Variants in RHAG observed in about 807,000 individuals in gnomAD.
RHAG encodes Rh associated glycoprotein.
Under a neutral mutation model 42.4 loss-of-function variants are expected in RHAG, and 25 were observed. The observed-to-expected ratio is 0.59, with a 90% CI of 0.43 to 0.82. The LOEUF (loss-of-function observed/expected upper bound fraction) is 0.82, where lower values mean the gene tolerates loss of function less well. Ranked by LOEUF, RHAG falls within the 40% of genes least tolerant of loss-of-function variation. The probability of loss-of-function intolerance (pLI) is 0.00; values close to 1 mark genes in which losing one functional copy is unlikely to be tolerated. For missense variants in RHAG, 483 were observed against 504.6 expected, an observed-to-expected ratio of 0.96 and a Z score of 0.41; for synonymous variants, 182 against 177.7, an observed-to-expected ratio of 1.02 and a Z score of -0.19.
intron 6 of RHAG, 49 bp from the exon 7 acceptor site, chr6:49,611,194 A>G: frequency 6.8e-7 from 1 of 1,481,142 alleles, no homozygotes; most frequent in Non-Finnish European, 9.4e-7. Context: ...AACATATAGA[A>G]CTCTAGAACT....
rs1774143899 is a variant in RHAG, at chr6:49,605,438, A to G, written c.*375T>C. 2 of 269,952 alleles carry G rather than the reference A, an allele frequency of 7.4e-6. No homozygotes were observed. Among genetic ancestry groups the G allele is most frequent in the African/African-American group, 2.2e-5 (1 of 45,732 alleles). 16.7% of individuals were successfully genotyped at this position (269,952 alleles called of 1,614,324 possible). On this transcript the variant is annotated 3_prime_UTR_variant, in exon 10 of 10. Transcript: ENST00000371175. ...CATCTATTCTTGCTTCATGGGTTTCAGTTTTATAATTTTTGGGATTGAAGA... is the reference window on the plus strand; with the variant it reads ...CATCTATTCTTGCTTCATGGGTTTCGGTTTTATAATTTTTGGGATTGAAGA...
chr6:49,606,605 T>A (rs887095247), intron 9 of RHAG: 6 of 421,184 alleles, frequency 1.4e-5, no homozygotes, highest in African/African-American at 1.2e-4. Flanking sequence ...GAAAGAAAAA[T>A]TTTAAATTTA....
chr6:49,614,933 T>C, intron 4 of RHAG, 80 bp from the exon 5 acceptor site: 1 of 1,253,916 alleles, frequency 8.0e-7, no homozygotes, highest in East Asian at 2.5e-5. Flanking sequence ...TATTTATTTA[T>C]TTACTTATTT....
intron 1 of RHAG, among the ~76,000 whole-genome samples, chr6:49,621,070 C>A (rs750895057): frequency 3.3e-5 from 5 of 152,304 alleles, no homozygotes; most frequent in African/African-American, 4.8e-5. Flanking sequence ...CCGAGGCACA[C>A]AGAGACGTTA....
At chr6:49,636,332 G>A (rs909819849) in intron 1 of RHAG, among the ~76,000 whole-genome samples, 1 of 152,108 alleles carries the variant, frequency 6.6e-6, no homozygotes, top group African/African-American at 2.4e-5. Context: ...GAATGCAAAG[G>A]AAGCGTGATA....
At position 49,605,486 on chromosome 6, in the gene RHAG, T is replaced by G. The variant is rs1260816593; in HGVS notation, c.*327A>C. The G allele has an allele frequency of 1.1e-5, 4 of 375,154 alleles. 1 individual carries two copies. Among genetic ancestry groups the G allele is most frequent in the African/African-American group, 8.2e-5 (4 of 49,072 alleles). 23.2% of individuals were successfully genotyped at this position (375,154 alleles called of 1,614,324 possible). ...AGACATAGTGTCTACATTAAGAAAC[T>G]GACATGTTTACTCTGTATTTACTCA... is the stretch of plus-strand genomic sequence containing the variant. On this transcript the variant is annotated 3_prime_UTR_variant, in exon 10 of 10. Coordinates refer to ENST00000371175, the MANE Select transcript of RHAG (RefSeq NM_000324.3).
At chr6:49,605,856 C>T (rs755891169) in intron 9 of RHAG, 26 bp from the exon 10 acceptor site, 1 of 1,594,932 alleles carries the variant, frequency 6.3e-7, no homozygotes, top group Admixed American at 1.7e-5. Flanking sequence ...TTTGAGGGCA[C>T]TTAATAGTTT....
intron 1 of RHAG, among the ~76,000 whole-genome samples, chr6:49,628,769 G>T (rs948003238): frequency 6.6e-6 from 1 of 151,808 alleles, no homozygotes; most frequent in African/African-American, 2.4e-5. Flanking sequence ...CGTTCCTCCC[G>T]GTGGGCTCGT....
At chr6:49,620,666 G>A (rs1194870874) in intron 1 of RHAG, among the ~76,000 whole-genome samples, 1 of 152,074 alleles carries the variant, frequency 6.6e-6, no homozygotes, top group Non-Finnish European at 1.5e-5. Context: ...CAAGTAGCTG[G>A]GATTACGGGC....
intron 3 of RHAG, among the ~76,000 whole-genome samples, chr6:49,617,069 T>C: frequency 6.6e-6 from 1 of 152,212 alleles, no homozygotes; most frequent in East Asian, 1.9e-4. Context: ...GAGTCTTTAT[T>C]AATCTGACCC....
intron 1 of RHAG, among the ~76,000 whole-genome samples, chr6:49,628,135 GACACACACAC>G (rs57969448): frequency 5.9e-5 from 8 of 135,860 alleles, no homozygotes; most frequent in South Asian, 2.5e-4. Flanking sequence ...GTGTGTGTGA[GACACACACAC>G]ACACACACAC....
At chr6:49,615,517 T>A in intron 4 of RHAG, 107 bp downstream of exon 4, 25 of 1,264,850 alleles carry the variant, frequency 2.0e-5, no homozygotes, top group East Asian at 7.3e-5. Context: ...TTCACTACCA[T>A]GCCTGGCTTG....
At chr6:49,635,007 G>A (rs1449522467) in intron 1 of RHAG, among the ~76,000 whole-genome samples, 1 of 144,376 alleles carries the variant, frequency 6.9e-6, no homozygotes, top group Non-Finnish European at 1.5e-5. Context: ...TGTCGGGGGG[G>A]TGGGGCGAGG....
chr6:49,608,100 T>C (rs978691865), intron 7 of RHAG, among the ~76,000 whole-genome samples: 12 of 152,206 alleles, frequency 7.9e-5, no homozygotes, highest in African/African-American at 1.7e-4. Flanking sequence ...ATCCCTCAGA[T>C]TGTATCAGAA....
rs1426335819 is a variant in RHAG, at chr6:49,615,664, A to T, written c.600T>A (p.Asn200Lys). 2 of 1,614,098 alleles carry T rather than the reference A, an allele frequency of 1.2e-6. No individual in the cohort carries two copies. Among genetic ancestry groups the T allele is most frequent in the East Asian group, 2.2e-5 (1 of 44,868 alleles). The change falls in exon 4 of 10, where the codon AAT becomes AAA. Residue 200 changes from asparagine to lysine, a missense_variant. Transcript: ENST00000371175. ...AGTCTGAGTAGTATGCGGACTCTTC[A>T]TTTTCATGCCCCTTTCTCAGTCCAG... ...YRSGLRKGHENEESAYYSDLF... is the reference protein window; with the variant it reads ...YRSGLRKGHEKEESAYYSDLF...
rs183027946 is a variant in RHAG at position 49,626,557 on chromosome 6, A to C, written c.158-7195T>G. On this transcript the variant is annotated intron_variant, in intron 1 of 9. Coordinates refer to ENST00000371175, the MANE Select transcript of RHAG (RefSeq NM_000324.3). ...CAGGCTACTTTCACAGCTAGAGTTG[A>C]GTGTCTGTGGCTTTTCCAGGGGCAC... Among the ~76,000 whole-genome samples the C allele has an allele frequency of 6.6e-5, 10 of 152,182 alleles. No homozygotes were observed. In the East Asian group the frequency reaches 1.7e-3, roughly 27 times the overall value.
In RHAG at chr6:49,612,505, T is replaced by C; in HGVS notation, c.837A>G (p.Gly279=). The stretch of plus-strand genomic sequence containing the variant: ...CCGCACAAGTGCCCACAGCAACTCC[T>C]CCAGCAAGGGTGGCATTCTGAATGT... ...MVHIQNATLA[G]GVAVGTCADM... The change falls in exon 6 of 10, where the codon GGA becomes GGG. Residue 279 remains glycine (G), a synonymous_variant. Transcript: ENST00000371175. 6.2e-7 allele frequency: 1 copy of C among 1,614,062 alleles called. No individual in the cohort carries two copies. Among genetic ancestry groups the C allele is most frequent in the Non-Finnish European group, 8.5e-7 (1 of 1,179,982 alleles).
intron 1 of RHAG, among the ~76,000 whole-genome samples, chr6:49,629,273 G>A (rs1461290450): frequency 6.6e-6 from 1 of 150,994 alleles, no homozygotes; most frequent in Non-Finnish European, 1.5e-5. Context: ...CCCTGAGCTA[G>A]ACATAAAGGT....
rs373001043 is a variant in RHAG, at chr6:49,623,066, C to T, written c.158-3704G>A. Reference sequence around the variant, plus strand: ...TGTTAGCCAGGATGGTCTCGATCTCCTGACCTCGTGATCCGCCCGCCTCGG... The same window carrying T: ...TGTTAGCCAGGATGGTCTCGATCTCTTGACCTCGTGATCCGCCCGCCTCGG... On this transcript the variant is annotated intron_variant, in intron 1 of 9. Coordinates refer to ENST00000371175, the MANE Select transcript of RHAG (RefSeq NM_000324.3). Among the ~76,000 whole-genome samples, 272 of 152,136 alleles carry T rather than the reference C, an allele frequency of 1.8e-3. 1 individual carries two copies. The highest frequency in any genetic ancestry group is 6.4e-3 in the African/African-American group (266 of 41,480).
Sources: gnomAD v4.1 joint callset for allele counts (sites outside exome capture counted in the v4.1 genomes callset) on GRCh38, gnomAD v4.1.1 for gene constraint, MANE v1.5 for transcripts, NCBI Gene and HGNC (gene_info 2026-07-23, HGNC 2026-07-21) for gene names.